The following ARFGEF3 variants were observed in gnomAD, a reference collection of about 807,000 sequenced individuals.
The protein encoded by ARFGEF3 is ARFGEF family member 3.
A neutral mutation model predicts 221.7 loss-of-function variants in ARFGEF3; 96 were observed. That is an observed-to-expected ratio of 0.43 (90% CI 0.37 to 0.51). The LOEUF (loss-of-function observed/expected upper bound fraction) is 0.51, where lower values mean the gene tolerates loss of function less well. Among genes scored for constraint, ARFGEF3 ranks in the 20% least tolerant of loss-of-function variants. The probability of loss-of-function intolerance (pLI) is 0.00; values close to 1 mark genes in which losing one functional copy is unlikely to be tolerated. For missense variants in ARFGEF3, 2,410 were observed against 2,789.9 expected, an observed-to-expected ratio of 0.86 and a Z score of 3.07; for synonymous variants, 1,145 against 1,126.8, an observed-to-expected ratio of 1.02 and a Z score of -0.32.
At chr6:138,281,736 A>G (rs1193998435) in intron 14 of ARFGEF3, among the ~76,000 whole-genome samples, 1 of 152,198 alleles carries the variant, frequency 6.6e-6, no homozygotes, top group African/African-American at 2.4e-5. Context: ...ATTTCACATG[A>G]GAGTGTAGAG....
intron 20 of ARFGEF3, among the ~76,000 whole-genome samples, 188 bp downstream of exon 20, chr6:138,294,314 T>C (rs1779468168): frequency 6.6e-6 from 1 of 152,216 alleles, no homozygotes; most frequent in South Asian, 2.1e-4. Flanking sequence ...TGTAACTCTT[T>C]GTGAATGGAA....
At position 138,307,344 on chromosome 6, in the gene ARFGEF3, A is replaced by C; in HGVS notation, c.3920A>C (p.His1307Pro). The change falls in exon 23 of 34, where the codon CAT becomes CCT. Residue 1307 changes from histidine to proline, a missense_variant. His to Pro is a moderately conservative substitution (Grantham distance 77). Coordinates refer to ENST00000251691, the MANE Select transcript of ARFGEF3 (RefSeq NM_020340.5). ...RPLFSALETV[H>P]GGNKSEMKEY... ...TTGTTCAGTGCCCTGGAAACAGTGC[A>C]TGGCGGGAACAAGTCAGAGATGAAG... 1 of 1,614,012 alleles carries C rather than the reference A, an allele frequency of 6.2e-7. No homozygotes were observed. The highest frequency in any genetic ancestry group is 8.5e-7 in the Non-Finnish European group (1 of 1,179,866).
At chr6:138,335,544 CAAAAAAA>C (rs113813772) in intron 33 of ARFGEF3, among the ~76,000 whole-genome samples, 1 of 126,958 alleles carries the variant, frequency 7.9e-6, no homozygotes, top group Non-Finnish European at 1.8e-5. Context: ...ATCATCTCTA[CAAAAAAA>C]AAAAAAAAAT....
At chr6:138,275,953 T>G (rs1032308039) in intron 12 of ARFGEF3, among the ~76,000 whole-genome samples, 1 of 152,230 alleles carries the variant, frequency 6.6e-6, no homozygotes, top group African/African-American at 2.4e-5. Flanking sequence ...ATTTTACACA[T>G]GATTTGCAGA....
chr6:138,250,792 A>C (rs1778567782), intron 8 of ARFGEF3, among the ~76,000 whole-genome samples: 1 of 152,234 alleles, frequency 6.6e-6, no homozygotes, highest in African/African-American at 2.4e-5. Flanking sequence ...TAAGCCTGCC[A>C]ACCATGAAAT....
chr6:138,336,579 C>A lies in ARFGEF3; in HGVS notation c.*93C>A. The A allele has an allele frequency of 1.0e-6, 1 of 984,760 alleles. No individual in the cohort carries two copies. Among genetic ancestry groups the A allele is most frequent in the Non-Finnish European group, 1.5e-6 (1 of 671,706 alleles). 61.0% of individuals were successfully genotyped at this position (984,760 alleles called of 1,614,324 possible). A position where few individuals can be genotyped will look rare whatever the true frequency, so the allele number is the denominator to read the frequency against. On this transcript the variant is annotated 3_prime_UTR_variant, in exon 34 of 34. Coordinates refer to ENST00000251691, the MANE Select transcript of ARFGEF3 (RefSeq NM_020340.5). The stretch of plus-strand genomic sequence containing the variant: ...TGCATTTTCCCCACCACTAGCCCCA[C>A]TTAAACTACTACTACTGTCTCAGAG...
intron 27 of ARFGEF3, 84 bp downstream of exon 27, chr6:138,317,463 G>T: frequency 6.6e-7 from 1 of 1,514,172 alleles, no homozygotes. Context: ...GTGTCTGCCT[G>T]TTTTCACTGT....
intron 17 of ARFGEF3, among the ~76,000 whole-genome samples, chr6:138,287,697 C>T (rs1779322409): frequency 6.6e-6 from 1 of 152,138 alleles, no homozygotes; most frequent in Admixed American, 6.5e-5. Flanking sequence ...GTCGGTGAAG[C>T]TGATGATTAT....
At chr6:138,208,904 T>A (rs531996090) in intron 3 of ARFGEF3, among the ~76,000 whole-genome samples, 16 of 152,310 alleles carry the variant, frequency 1.1e-4, no homozygotes, top group African/African-American at 3.1e-4. Context: ...TAGGTGGACC[T>A]GATAGCTGGT....
At chr6:138,195,557 T>C (rs893056831) in intron 2 of ARFGEF3, among the ~76,000 whole-genome samples, 1 of 152,184 alleles carries the variant, frequency 6.6e-6, no homozygotes, top group Non-Finnish European at 1.5e-5. Flanking sequence ...TTCAAAGTAT[T>C]TTCCTGTGTC....
chr6:138,229,059 C>T (rs969162755), intron 4 of ARFGEF3, among the ~76,000 whole-genome samples: 1 of 152,178 alleles, frequency 6.6e-6, no homozygotes, highest in Non-Finnish European at 1.5e-5. Flanking sequence ...AAAGATCTTG[C>T]AAATGTCATT....
intron 4 of ARFGEF3, among the ~76,000 whole-genome samples, chr6:138,213,532 A>G (rs938912735): frequency 8.6e-5 from 13 of 151,554 alleles, no homozygotes; most frequent in African/African-American, 2.7e-4. Context: ...CAACTTAACT[A>G]TAACTGTGGA....
At chr6:138,180,250 C>G (rs887620415) in intron 2 of ARFGEF3, among the ~76,000 whole-genome samples, 13 of 152,194 alleles carry the variant, frequency 8.5e-5, no homozygotes, top group Non-Finnish European at 5.9e-5. Flanking sequence ...CAGTATTTTT[C>G]CTGCCTTTCT....
intron 12 of ARFGEF3, among the ~76,000 whole-genome samples, chr6:138,273,789 G>C (rs576121498): frequency 6.6e-5 from 10 of 152,294 alleles, no homozygotes; most frequent in Admixed American, 5.9e-4. Context: ...GCAATAGAAA[G>C]CATTTAATAA....
At chr6:138,313,526 C>T (rs780152499) in intron 25 of ARFGEF3, among the ~76,000 whole-genome samples, 11 of 152,318 alleles carry the variant, frequency 7.2e-5, no homozygotes, top group Middle Eastern at 3.4e-3. Context: ...GTCTATAGAA[C>T]TCATATGTAA....
intron 8 of ARFGEF3, among the ~76,000 whole-genome samples, 197 bp downstream of exon 8, chr6:138,245,788 C>T (rs1167810719): frequency 1.3e-5 from 2 of 152,160 alleles, no homozygotes; most frequent in African/African-American, 4.8e-5. Flanking sequence ...AATACCATTA[C>T]TAGAGTATAT....
At chr6:138,269,178 T>C (rs757075613) in intron 12 of ARFGEF3, among the ~76,000 whole-genome samples, 41 of 152,218 alleles carry the variant, frequency 2.7e-4, no homozygotes, top group Admixed American at 6.5e-5. Flanking sequence ...TACCAGGCGG[T>C]GGGCAGCCAC....
chr6:138,200,151 T>G (rs758832292), intron 2 of ARFGEF3, among the ~76,000 whole-genome samples: 1 of 152,222 alleles, frequency 6.6e-6, no homozygotes, highest in Non-Finnish European at 1.5e-5. Context: ...TTTTTGTTTT[T>G]AATTCTGTTT....
chr6:138,200,019 A>G (rs1470754048), intron 2 of ARFGEF3, among the ~76,000 whole-genome samples: 1 of 152,206 alleles, frequency 6.6e-6, no homozygotes, highest in African/African-American at 2.4e-5. Flanking sequence ...AGTTTGTCAT[A>G]GATGGCTTTT....
Sources: gnomAD v4.1 joint callset for allele counts (sites outside exome capture counted in the v4.1 genomes callset) on GRCh38, gnomAD v4.1.1 for gene constraint, MANE v1.5 for transcripts, NCBI Gene and HGNC (gene_info 2026-07-23, HGNC 2026-07-21) for gene names.